The following SFRP5 variants were observed in gnomAD, a reference collection of about 807,000 sequenced individuals.
SFRP5 encodes secreted frizzled-related protein 5.
Under a neutral mutation model 27.0 loss-of-function variants are expected in SFRP5, and 22 were observed. The observed-to-expected ratio is 0.82, with a 90% CI of 0.58 to 1.17. SFRP5 has a LOEUF of 1.17. Ranked by LOEUF, SFRP5 falls within the 50% of genes most tolerant of loss-of-function variation. The pLI is 0.00. For synonymous variants in SFRP5, 171 were observed against 195.0 expected (o/e 0.88, Z 1.03); for missense variants, 406 against 436.6 (o/e 0.93, Z 0.63).
Position 97,771,837 on chromosome 10 carries a change from T to G in SFRP5, c.-4A>C. On this transcript the variant is annotated 5_prime_UTR_variant, in exon 1 of 3. Transcript: ENST00000266066. The surrounding 1 kb of genome is among the most constrained non-coding windows in gnomAD (Gnocchi z 5.2). ...CCCCCGCCGCCGCCGCCCGCATGGC[T>G]GCGCCCTCTCCAGGTGCGCGCCGCG... The G allele has an allele frequency of 8.8e-7, 1 of 1,138,442 alleles. No individual in the cohort carries two copies. The highest frequency in any genetic ancestry group is 4.1e-5 in the South Asian group (1 of 24,184). 70.5% of individuals were successfully genotyped at this position (1,138,442 alleles called of 1,614,324 possible).
intron 2 of SFRP5, among the ~76,000 whole-genome samples, chr10:97,769,157 G>A (rs2049501993): frequency 6.6e-6 from 1 of 152,222 alleles, no homozygotes; most frequent in Admixed American, 6.5e-5. Flanking sequence ...GTCCTGACCG[G>A]ACTTGGCTGG....
chr10:97,767,185 A>G lies in SFRP5; in HGVS notation c.*329T>C. The G allele has an allele frequency of 4.3e-6, 1 of 230,780 alleles. No homozygotes were observed. 14.3% of individuals were successfully genotyped at this position (230,780 alleles called of 1,614,324 possible). A position where few individuals can be genotyped will look rare whatever the true frequency, so the allele number is the denominator to read the frequency against. On this transcript the variant is annotated 3_prime_UTR_variant, in exon 3 of 3. Coordinates refer to ENST00000266066, the MANE Select transcript of SFRP5 (RefSeq NM_003015.3). ...CCGACAGAGGGGAGCTGGAGCTGAC[A>G]CCACCTTCTACTCTGAAACCTCCGC...
rs376021818 is a variant in SFRP5 at position 97,767,715 on chromosome 10, C to T, written c.753G>A (p.Ala251=). 74 of 1,613,634 alleles carry T rather than the reference C, an allele frequency of 4.6e-5. 1 individual carries two copies. The East Asian group carries it at 8.7e-4, about 19-fold the overall frequency. The change falls in exon 3 of 3, where the codon GCG becomes GCA. Residue 251 remains alanine (A), a synonymous_variant. Coordinates refer to ENST00000266066, the MANE Select transcript of SFRP5 (RefSeq NM_003015.3). Reference sequence around the variant, plus strand: ...TGTCCAGCTGTGGGCAGGGGCAGCCCGCGCCATTCTTCATGTGCAGCACCA... The same window carrying T: ...TGTCCAGCTGTGGGCAGGGGCAGCCTGCGCCATTCTTCATGTGCAGCACCA... ...KRLVLHMKNG[A]GCPCPQLDSL...
In SFRP5 at chr10:97,767,853, T is replaced by G; in HGVS notation, c.615A>C (p.Lys205Asn). The stretch of plus-strand genomic sequence containing the variant: ...CTATCTTGATCTCCTTGATGCGCAT[T>G]TTGACCACTGTGGGAAGAAAGGACA... Reference protein sequence around the residue: ...EQMCSSDFVVKMRIKEIKIEN... With the variant: ...EQMCSSDFVVNMRIKEIKIEN... The change falls in exon 3 of 3, where the codon AAA (lysine) becomes AAC (asparagine). Residue 205 changes from lysine to asparagine, a missense_variant. Physicochemically the swap from Lys to Asn is moderately conservative, Grantham distance 94. Transcript: ENST00000266066. 6.6e-7 allele frequency: 1 copy of G among 1,523,454 alleles called. No homozygotes were observed. Among genetic ancestry groups the G allele is most frequent in the Non-Finnish European group, 8.8e-7 (1 of 1,138,344 alleles). The allele number at this position is 1,523,454 out of a possible 1,614,324, so 94.4% of individuals were successfully genotyped here.
Position 97,771,780 on chromosome 10 carries a change from C to G in SFRP5, c.54G>C (p.Leu18=), listed in dbSNP as rs1158948741. Residue 18 remains leucine, a synonymous_variant, in exon 1 of 3, where the codon CTG becomes CTC. Transcript: ENST00000266066. The surrounding 1 kb of genome is among the most constrained non-coding windows in gnomAD (Gnocchi z 5.2). ...CCGGCGCCCAGTGCAGCGCCCCCAG[C>G]AGCAGCGCCAGCGCGGCCGTCCGCA... ...GGVRTAALAL[L]LGALHWAPAR... is the part of the protein sequence containing the mutation. 1 of 1,449,698 alleles carries G rather than the reference C, an allele frequency of 6.9e-7. No homozygotes were observed. The highest frequency in any genetic ancestry group is 1.5e-5 in the South Asian group (1 of 67,030). The allele number at this position is 1,449,698 out of a possible 1,614,324, so 89.8% of individuals were successfully genotyped here.
Position 97,771,918 on chromosome 10 carries a change from C to T in SFRP5, c.-85G>A, listed in dbSNP as rs2049520885. ...CAGGTGTTCCGGCGTGCGCCCCCGG[C>T]CCTGACTCTACCCAGCCGCCGCCGC... is the stretch of plus-strand genomic sequence containing the variant. On this transcript the variant is annotated 5_prime_UTR_variant, in exon 1 of 3. Transcript: ENST00000266066. This position sits in a 1 kb window ranked among gnomAD's most constrained non-coding sequence, Gnocchi z 5.2. 1.8e-5 allele frequency: 17 copies of T among 937,458 alleles called. No homozygotes were observed. The highest frequency in any genetic ancestry group is 2.2e-5 in the Non-Finnish European group (17 of 784,968). 58.1% of individuals were successfully genotyped at this position (937,458 alleles called of 1,614,324 possible).
chr10:97,769,281 C>T (rs1158697657), intron 2 of SFRP5, among the ~76,000 whole-genome samples: 1 of 152,172 alleles, frequency 6.6e-6, no homozygotes, highest in Non-Finnish European at 1.5e-5. Flanking sequence ...GACAAGGGTG[C>T]TCCACTTCCA....
At chr10:97,770,869 C>T (rs916160012) in intron 1 of SFRP5, among the ~76,000 whole-genome samples, 4 of 152,210 alleles carry the variant, frequency 2.6e-5, no homozygotes, top group African/African-American at 9.7e-5. Context: ...GGTCCCAACA[C>T]GGAGTGGGGA....
Position 97,767,769 on chromosome 10 carries a change from G to T in SFRP5, c.699C>A (p.Gly233=). 6.3e-7 allele frequency: 1 copy of T among 1,587,372 alleles called. No individual in the cohort carries two copies. The highest frequency in any genetic ancestry group is 8.6e-7 in the Non-Finnish European group (1 of 1,167,992). ...GCTTGGTGTCCTTGCGCTTCAGGGGGCCCGGCTTGAGCAGCTTCTTCTTTT... is the reference window on the plus strand; with the variant it reads ...GCTTGGTGTCCTTGCGCTTCAGGGGTCCCGGCTTGAGCAGCTTCTTCTTTT... The part of the protein sequence containing the change: ...AQKKKKLLKP[G]PLKRKDTKRL... The change falls in exon 3 of 3, where the codon GGC becomes GGA. Residue 233 remains glycine (G), a synonymous_variant. Transcript: ENST00000266066.
chr10:97,768,391 C>T (rs2049497392), intron 2 of SFRP5, among the ~76,000 whole-genome samples: 1 of 152,008 alleles, frequency 6.6e-6, no homozygotes, highest in African/African-American at 2.4e-5. Flanking sequence ...GTGGTTGGAA[C>T]AGTGGTGGGC....
chr10:97,767,668 A>T lies in SFRP5; in HGVS notation c.800T>A (p.Val267Asp). 6.2e-7 allele frequency: 1 copy of T among 1,614,084 alleles called. No homozygotes were observed. Among genetic ancestry groups the T allele is most frequent in the Non-Finnish European group, 8.5e-7 (1 of 1,180,030 alleles). ...CTGTCCATCCACTTTGCGGCCCATG[A>T]CCAGGAAGCTGCCCGCCAGGCTGTC... ...QLDSLAGSFL[V>D]MGRKVDGQLL... Residue 267 changes from valine (V) to aspartate (D), a missense_variant, in exon 3 of 3, where the codon GTC (valine) becomes GAC (aspartate). Coordinates refer to ENST00000266066, the MANE Select transcript of SFRP5 (RefSeq NM_003015.3).
chr10:97,771,835 G>C lies in SFRP5; in HGVS notation c.-2C>G. On this transcript the variant is annotated 5_prime_UTR_variant, in exon 1 of 3. Coordinates refer to ENST00000266066, the MANE Select transcript of SFRP5 (RefSeq NM_003015.3). This position sits in a 1 kb window ranked among gnomAD's most constrained non-coding sequence, Gnocchi z 5.2. ...CCCCCCCGCCGCCGCCGCCCGCATG[G>C]CTGCGCCCTCTCCAGGTGCGCGCCG... is the stretch of plus-strand genomic sequence containing the variant. The C allele has an allele frequency of 8.7e-7, 1 of 1,146,808 alleles. No individual in the cohort carries two copies. The highest frequency in any genetic ancestry group is 4.1e-5 in the South Asian group (1 of 24,296). The allele number at this position is 1,146,808 out of a possible 1,614,324, so 71.0% of individuals were successfully genotyped here. A position where few individuals can be genotyped will look rare whatever the true frequency, so the allele number is the denominator to read the frequency against.
rs771102079 is a variant in SFRP5, at chr10:97,767,575, A to G, written c.893T>C (p.Met298Thr). 5 of 1,613,346 alleles carry G rather than the reference A, an allele frequency of 3.1e-6. No homozygotes were observed. Among genetic ancestry groups the G allele is most frequent in the East Asian group, 2.2e-5 (1 of 44,880 alleles). ...NKEMKFAVKF[M>T]FSYPCSLYYP... is the part of the protein sequence containing the mutation. ...GTAGAGGGAGCAGGGGTAGGAGAAC[A>G]TGAATTTGACTGCAAACTTCATCTC... The change falls in exon 3 of 3, where the codon ATG becomes ACG. Residue 298 changes from methionine to threonine, a missense_variant. By Grantham distance (81) the Met-to-Thr change is moderately conservative. Transcript: ENST00000266066.
chr10:97,769,642 A>G (rs1158453406), intron 2 of SFRP5, 26 bp downstream of exon 2: 4 of 1,539,758 alleles, frequency 2.6e-6, no homozygotes, highest in Admixed American at 1.7e-5. Flanking sequence ...ATGTCGGGGC[A>G]GTGGCAGCGT....
intron 1 of SFRP5, 117 bp from the exon 2 acceptor site, chr10:97,769,862 TA>T: frequency 1.4e-6 from 1 of 701,324 alleles, no homozygotes; most frequent in East Asian, 2.7e-5. Context: ...GCCAAGCCTC[TA>T]CTTCCTTATC....
chr10:97,768,317 G>A (rs1266923745), intron 2 of SFRP5, among the ~76,000 whole-genome samples: 1 of 152,158 alleles, frequency 6.6e-6, no homozygotes, highest in Non-Finnish European at 1.5e-5. Context: ...CTGGCTGTGT[G>A]TGAGTGTATG....
Position 97,771,689 on chromosome 10 carries a change from T to C in SFRP5, c.145A>G (p.Lys49Glu). 1 of 1,599,776 alleles carries C rather than the reference T, an allele frequency of 6.3e-7. No individual in the cohort carries two copies. Among genetic ancestry groups the C allele is most frequent in the Non-Finnish European group, 8.5e-7 (1 of 1,179,474 alleles). Residue 49 changes from lysine (K) to glutamate (E), a missense_variant, in exon 1 of 3, where the codon AAG (lysine) becomes GAG (glutamate). Physicochemically the swap from Lys to Glu is moderately conservative, Grantham distance 56. Coordinates refer to ENST00000266066, the MANE Select transcript of SFRP5 (RefSeq NM_003015.3). The surrounding 1 kb of genome is among the most constrained non-coding windows in gnomAD (Gnocchi z 5.2). Reference protein sequence around the residue: ...AEPLHGRSYSKPPQCLDIPAD... With the variant: ...AEPLHGRSYSEPPQCLDIPAD... ...GGGATGTCAAGGCACTGCGGCGGCT[T>C]GGAGTAGGAGCGGCCGTGCAGCGGC... is the stretch of plus-strand genomic sequence containing the variant.
chr10:97,767,636 G>A lies in SFRP5; in HGVS notation c.832C>T (p.Leu278Phe). Reference protein sequence around the residue: ...MGRKVDGQLLLMAVYRWDKKN... With the variant: ...MGRKVDGQLLFMAVYRWDKKN... ...TTGTCCCAGCGGTAGACGGCCATGA[G>A]CAGCAGCTGTCCATCCACTTTGCGG... The change falls in exon 3 of 3, where the codon CTC (leucine) becomes TTC (phenylalanine). Residue 278 changes from leucine (L) to phenylalanine (F), a missense_variant. Physicochemically the swap from Leu to Phe is conservative, Grantham distance 22. Transcript: ENST00000266066. 1 of 1,613,996 alleles carries A rather than the reference G, an allele frequency of 6.2e-7. No homozygotes were observed. Among genetic ancestry groups the A allele is most frequent in the Non-Finnish European group, 8.5e-7 (1 of 1,180,036 alleles).
At chr10:97,770,259 G>A (rs1312497609) in intron 1 of SFRP5, among the ~76,000 whole-genome samples, 5 of 152,148 alleles carry the variant, frequency 3.3e-5, no homozygotes, top group Admixed American at 1.3e-4. Context: ...CAGTAGAGAC[G>A]GGGTTTCACC....
Sources: gnomAD v4.1 joint callset for allele counts (sites outside exome capture counted in the v4.1 genomes callset) on GRCh38, gnomAD v4.1.1 for gene constraint, Gnocchi (gnomAD v3.1) non-coding constraint, MANE v1.5 for transcripts, NCBI Gene and HGNC (gene_info 2026-07-23, HGNC 2026-07-21) for gene names.